The following CFI variants were observed in gnomAD, a reference collection of about 807,000 sequenced individuals.
The protein encoded by CFI is C3B/C4B inactivator.
A neutral mutation model predicts 78.8 loss-of-function variants in CFI; 66 were observed. That is an observed-to-expected ratio of 0.84 (90% CI 0.69 to 1.03). CFI has a LOEUF of 1.03. CFI is among the 50% of genes least tolerant of loss of function. The pLI is 0.00. For missense variants in CFI, 706 were observed against 704.5 expected, an observed-to-expected ratio of 1.00 and a Z score of -0.02; for synonymous variants, 250 against 232.6, an observed-to-expected ratio of 1.07 and a Z score of -0.68.
intron 7 of CFI, 51 bp from the exon 8 acceptor site, chr4:109,752,554 A>G (rs1233017705): frequency 1.4e-6 from 2 of 1,461,796 alleles, no homozygotes; most frequent in Admixed American, 3.4e-5. Flanking sequence ...TTATAGTCAA[A>G]ATGAAATCAT....
intron 7 of CFI, among the ~76,000 whole-genome samples, chr4:109,756,796 T>C (rs1414613542): frequency 1.3e-5 from 2 of 149,566 alleles, no homozygotes; most frequent in African/African-American, 2.5e-5. Flanking sequence ...GAGGTGGAGG[T>C]TGCAGTGAGC....
At chr4:109,746,624 A>G in intron 10 of CFI, 122 bp from the exon 11 acceptor site, 2 of 791,548 alleles carry the variant, frequency 2.5e-6, no homozygotes, top group Non-Finnish European at 3.9e-6. Flanking sequence ...AATTTTGTAA[A>G]TGCTTGCTGT....
chr4:109,782,692 G>C (rs1730213053), intron 1 of CFI, among the ~76,000 whole-genome samples: 1 of 151,870 alleles, frequency 6.6e-6, no homozygotes, highest in Non-Finnish European at 1.5e-5. Context: ...AAATTCATAT[G>C]GAACCAAAAA....
intron 6 of CFI, among the ~76,000 whole-genome samples, chr4:109,759,823 G>T (rs527865079): frequency 6.6e-4 from 100 of 152,302 alleles, no homozygotes; most frequent in Admixed American, 6.5e-3. Flanking sequence ...GAACTCAGGA[G>T]GTTGAGGTTG....
At chr4:109,785,627 T>C (rs1297856071) in intron 1 of CFI, among the ~76,000 whole-genome samples, 2 of 152,086 alleles carry the variant, frequency 1.3e-5, no homozygotes, top group Non-Finnish European at 2.9e-5. Context: ...GCTGCTTCTC[T>C]GTGTATATGG....
chr4:109,777,543 A>T (rs1729418905), intron 1 of CFI, among the ~76,000 whole-genome samples: 1 of 149,584 alleles, frequency 6.7e-6, no homozygotes, highest in African/African-American at 2.5e-5. Context: ...GGAGACTTTA[A>T]CACCCCACTG....
intron 7 of CFI, among the ~76,000 whole-genome samples, chr4:109,756,460 G>A (rs1222711257): frequency 6.6e-6 from 1 of 151,412 alleles, no homozygotes; most frequent in Non-Finnish European, 1.5e-5. Context: ...AGGAGGAAGA[G>A]GAGGAGGAGG....
intron 8 of CFI, among the ~76,000 whole-genome samples, chr4:109,750,960 C>A (rs1725060477): frequency 6.6e-6 from 1 of 152,162 alleles, no homozygotes; most frequent in African/African-American, 2.4e-5. Flanking sequence ...ATGGCAAATT[C>A]CTACCCATTA....
At position 109,764,628 on chromosome 4, in the gene CFI, G is replaced by A; in HGVS notation, c.391C>T (p.Leu131Phe). ...AACATTGTCTTATCTTGGTCCACAA[G>A]TTTTACTTCAACTATTCCCTCTGAA... Reference protein sequence around the residue: ...TDSEGIVEVKLVDQDKTMFIC... With the variant: ...TDSEGIVEVKFVDQDKTMFIC... The change falls in exon 3 of 13, where the codon CTT becomes TTT. Residue 131 changes from leucine (L) to phenylalanine (F), a missense_variant. Leu to Phe is a conservative substitution (Grantham distance 22). Coordinates refer to ENST00000394634, the MANE Select transcript of CFI (RefSeq NM_000204.5). 2 of 1,614,018 alleles carry A rather than the reference G, an allele frequency of 1.2e-6. No individual in the cohort carries two copies. Among genetic ancestry groups the A allele is most frequent in the Non-Finnish European group, 1.7e-6 (2 of 1,179,978 alleles).
At chr4:109,748,166 G>C (rs984381593) in intron 10 of CFI, among the ~76,000 whole-genome samples, 4 of 152,292 alleles carry the variant, frequency 2.6e-5, no homozygotes, top group African/African-American at 9.6e-5. Flanking sequence ...GAGATGTTCA[G>C]GAAGCTTTTG....
the CFI span, among the ~76,000 whole-genome samples, chr4:109,733,545 GGC>G: frequency 7.9e-5 from 12 of 152,268 alleles, no homozygotes; most frequent in East Asian, 1.9e-3. Context: ...GCATAAGTAT[GGC>G]TTGGTCCAGG....
At chr4:109,744,304 A>C (rs186978165) in intron 11 of CFI, among the ~76,000 whole-genome samples, 122 of 152,262 alleles carry the variant, frequency 8.0e-4, no homozygotes, top group African/African-American at 2.6e-3. Context: ...TCATGGGTGA[A>C]ATTATATGAC....
intron 6 of CFI, 157 bp downstream of exon 6, chr4:109,760,113 G>C: frequency 1.4e-6 from 1 of 705,830 alleles, no homozygotes; most frequent in South Asian, 1.5e-5. Context: ...ATGAAAATAT[G>C]AGGAGATGAA....
intron 1 of CFI, among the ~76,000 whole-genome samples, chr4:109,774,854 T>A (rs576733901): frequency 6.6e-6 from 1 of 152,178 alleles, no homozygotes; most frequent in African/African-American, 2.4e-5. Flanking sequence ...ATATAGTTTG[T>A]TCTTATTTCT....
intron 1 of CFI, among the ~76,000 whole-genome samples, chr4:109,787,864 T>G (rs1730941163): frequency 6.6e-6 from 1 of 152,110 alleles, no homozygotes. Flanking sequence ...TGTCTATTTT[T>G]TAAATTTTTA....
At chr4:109,739,741 G>C (rs531226830), downstream of CFI, among the ~76,000 whole-genome samples, 4 of 152,152 alleles carry the variant, frequency 2.6e-5, no homozygotes, top group African/African-American at 9.7e-5. Flanking sequence ...GATTTAAAAC[G>C]TAGTCTAGAT....
chr4:109,769,864 C>A (rs973135490), intron 1 of CFI, among the ~76,000 whole-genome samples: 2 of 152,192 alleles, frequency 1.3e-5, no homozygotes, highest in African/African-American at 2.4e-5. Flanking sequence ...CCTCTTTTAT[C>A]TCTGCCACCA....
intron 11 of CFI, among the ~76,000 whole-genome samples, chr4:109,743,210 AT>A (rs528511278): frequency 5.3e-5 from 8 of 149,900 alleles, no homozygotes; most frequent in Admixed American, 1.3e-4. Context: ...GAAGGAGTTT[AT>A]TTTTTTTTTC....
At chr4:109,777,905 G>A (rs1448790415) in intron 1 of CFI, among the ~76,000 whole-genome samples, 3 of 152,076 alleles carry the variant, frequency 2.0e-5, no homozygotes, top group Non-Finnish European at 4.4e-5. Flanking sequence ...CGAAATGAAG[G>A]CAGAAATAAA....
Sources: allele counts gnomAD v4.1 joint callset (sites outside exome capture counted in the v4.1 genomes callset), GRCh38; gene constraint gnomAD v4.1.1; transcripts MANE v1.5; gene names NCBI Gene and HGNC (gene_info 2026-07-23, HGNC 2026-07-21).